Variants in HTR4 observed in about 807,000 individuals in gnomAD.
The protein encoded by HTR4 is 5-hydroxytryptamine (serotonin) receptor 4, G protein-coupled.
Under a neutral mutation model 36.8 loss-of-function variants are expected in HTR4, and 16 were observed. That is an observed-to-expected ratio of 0.43 (90% CI 0.29 to 0.66). HTR4 has a LOEUF of 0.66. HTR4 is among the 30% of genes least tolerant of loss of function. The pLI, the probability that HTR4 is intolerant of heterozygous loss-of-function variation, is 0.13. For synonymous variants in HTR4, 189 were observed against 185.1 expected (o/e 1.02, Z -0.17); for missense variants, 438 against 490.9 (o/e 0.89, Z 1.02).
At chr5:148,645,567 A>T (rs531594318) in intron 1 of HTR4, 96 of 152,332 alleles carry the variant, frequency 6.3e-4, no homozygotes, top group African/African-American at 2.0e-3. Flanking sequence ...TTAACTACCA[A>T]TATGACCTTG....
chr5:148,594,139 C>T (rs1481168170), intron 2 of HTR4, among the ~76,000 whole-genome samples: 1 of 152,120 alleles, frequency 6.6e-6, no homozygotes, highest in Non-Finnish European at 1.5e-5. Flanking sequence ...AGCAGTATAA[C>T]ATATATTCCT....
chr5:148,592,456 C>T (rs1761612139), intron 2 of HTR4, among the ~76,000 whole-genome samples: 1 of 151,788 alleles, frequency 6.6e-6, no homozygotes, highest in Non-Finnish European at 1.5e-5. Flanking sequence ...ATCCTCTCAG[C>T]TCTCTAAGGA....
chr5:148,486,429 G>A (rs1299349631), intron 6 of HTR4, among the ~76,000 whole-genome samples: 2 of 152,178 alleles, frequency 1.3e-5, no homozygotes, highest in African/African-American at 4.8e-5. Flanking sequence ...GAAAGCAGCA[G>A]AGTGTAGCAA....
intron 4 of HTR4, among the ~76,000 whole-genome samples, chr5:148,545,436 C>T (rs182314945): frequency 1.3e-5 from 2 of 152,356 alleles, no homozygotes; most frequent in East Asian, 3.9e-4. Context: ...GGGCAGGGAT[C>T]TTGCCCTTGT....
intron 1 of HTR4, among the ~76,000 whole-genome samples, chr5:148,652,207 T>C (rs1754060575): frequency 6.6e-6 from 1 of 151,902 alleles, no homozygotes; most frequent in Admixed American, 6.6e-5. Context: ...GTGGTAGCAG[T>C]GGGAATAAAA....
rs544450048 is a variant in HTR4 at position 148,509,185 on chromosome 5, T to A, written c.1076+271A>T. The A allele has an allele frequency of 4.3e-5, 16 of 372,424 alleles. No individual in the cohort carries two copies. In the South Asian group the frequency reaches 9.1e-4, roughly 21 times the overall value. The allele number at this position is 372,424 out of a possible 1,614,324, so 23.1% of individuals were successfully genotyped here. The stretch of plus-strand genomic sequence containing the variant: ...TATAGTGATTATTATCTTAAGTTTT[T>A]AAAAAATGAAATTGAGGTTAATAAT... On this transcript the variant is annotated intron_variant, in intron 6 of 6. Transcript: ENST00000377888.
At chr5:148,545,919 G>T (rs184930484) in intron 4 of HTR4, among the ~76,000 whole-genome samples, 99 of 152,320 alleles carry the variant, frequency 6.5e-4, no homozygotes, top group African/African-American at 2.4e-3. Context: ...AGCGACAAGT[G>T]GATGGGGAGG....
intron 4 of HTR4, among the ~76,000 whole-genome samples, chr5:148,548,094 G>T (rs2895769): frequency 0.25 from 38,610 of 151,916 alleles, 5,719 homozygotes; most frequent in Non-Finnish European, 0.34. Context: ...TATGAAGAAA[G>T]AAAATAAAAT....
At chr5:148,452,251 C>A (rs1473314853) in intron 5 of HTR4, among the ~76,000 whole-genome samples, 4 of 152,092 alleles carry the variant, frequency 2.6e-5, no homozygotes, top group Non-Finnish European at 5.9e-5. Flanking sequence ...TACATGTGAG[C>A]AAAATAACGC....
chr5:148,622,433 A>T (rs1377339516), intron 2 of HTR4, among the ~76,000 whole-genome samples: 3 of 152,104 alleles, frequency 2.0e-5, no homozygotes, highest in Non-Finnish European at 4.4e-5. Flanking sequence ...ACATGTCCCA[A>T]CCTACAAGAA....
rs539196813 is a variant in HTR4, at chr5:148,620,517, T to C, written c.26+16472A>G. ...GGCTGGACAGAATTCAGCTGGGCTG[T>C]AAGTGGAAAATGCACAATGGATTTT... On this transcript the variant is annotated intron_variant, in intron 2 of 6. Coordinates refer to ENST00000377888, the MANE Select transcript of HTR4 (RefSeq NM_000870.7). Among the ~76,000 whole-genome samples the C allele has an allele frequency of 3.3e-5, 5 of 152,322 alleles. No individual in the cohort carries two copies. In the East Asian group the frequency reaches 9.6e-4, roughly 29 times the overall value.
intron 4 of HTR4, among the ~76,000 whole-genome samples, chr5:148,524,330 T>C (rs1443482102): frequency 6.6e-6 from 1 of 152,216 alleles, no homozygotes; most frequent in African/African-American, 2.4e-5. Flanking sequence ...TAACTGTTTC[T>C]GGGATACTAA....
intron 4 of HTR4, among the ~76,000 whole-genome samples, chr5:148,529,547 A>G (rs1312071936): frequency 6.6e-6 from 1 of 152,170 alleles, no homozygotes; most frequent in Non-Finnish European, 1.5e-5. Context: ...TCCACATTGA[A>G]CTGTGAGTCC....
At chr5:148,523,397 A>T in intron 4 of HTR4, 51 bp from the exon 5 acceptor site, 2 of 1,484,136 alleles carry the variant, frequency 1.3e-6, no homozygotes, top group East Asian at 2.4e-5. Flanking sequence ...GAGGAATGGG[A>T]GGGAGAGAAA....
At chr5:148,495,959 G>C (rs750007573) in intron 6 of HTR4, among the ~76,000 whole-genome samples, 3 of 152,002 alleles carry the variant, frequency 2.0e-5, no homozygotes, top group African/African-American at 7.2e-5. Context: ...AAAATTAGCC[G>C]GGTTTGGTGG....
chr5:148,586,705 T>C (rs1160772823), intron 2 of HTR4, among the ~76,000 whole-genome samples: 2 of 152,124 alleles, frequency 1.3e-5, no homozygotes, highest in African/African-American at 4.8e-5. Context: ...TGAAGTTGAG[T>C]ACTTGCCTTG....
chr5:148,583,452 A>G (rs554652109), intron 2 of HTR4, among the ~76,000 whole-genome samples: 5 of 151,928 alleles, frequency 3.3e-5, no homozygotes, highest in African/African-American at 1.2e-4. Context: ...ATAATAAATA[A>G]AGTTAATTTG....
chr5:148,571,051 C>T (rs970782840), intron 2 of HTR4, among the ~76,000 whole-genome samples: 3 of 151,950 alleles, frequency 2.0e-5, no homozygotes, highest in Non-Finnish European at 2.9e-5. Context: ...TTTCACATTA[C>T]AACATGAGGG....
intron 2 of HTR4, among the ~76,000 whole-genome samples, chr5:148,583,611 CCAT>C (rs112185238): frequency 0.1 from 14,800 of 147,882 alleles, 1,322 homozygotes; most frequent in African/African-American, 0.24. Flanking sequence ...ATACTAATTG[CCAT>C]CATCATCATC....
Sources: allele counts gnomAD v4.1 joint callset (sites outside exome capture counted in the v4.1 genomes callset), GRCh38; gene constraint gnomAD v4.1.1; transcripts MANE v1.5; gene names NCBI Gene and HGNC (gene_info 2026-07-23, HGNC 2026-07-21).